The following TMPRSS11D variants were observed in gnomAD, a reference collection of about 807,000 sequenced individuals.
TMPRSS11D encodes transmembrane serine protease 11D, also known as transmembrane protease serine 11D.
Under a neutral mutation model 44.4 loss-of-function variants are expected in TMPRSS11D, and 32 were observed. That is an observed-to-expected ratio of 0.72 (90% CI 0.54 to 0.97). TMPRSS11D has a LOEUF of 0.97. Ranked by LOEUF, TMPRSS11D falls within the 50% of genes least tolerant of loss-of-function variation. TMPRSS11D has a pLI of 0.00. For missense variants in TMPRSS11D, 446 were observed against 502.6 expected (o/e 0.89, Z 1.08); for synonymous variants, 179 against 177.9 (o/e 1.01, Z -0.05).
intron 3 of TMPRSS11D, among the ~76,000 whole-genome samples, chr4:67,852,547 A>AT (rs1184746669): frequency 6.6e-6 from 1 of 152,186 alleles, no homozygotes; most frequent in Non-Finnish European, 1.5e-5. Flanking sequence ...TCATAAGCTT[A>AT]TTTAATACAT....
At chr4:67,860,847 A>G (rs1718776525) in intron 1 of TMPRSS11D, among the ~76,000 whole-genome samples, 7 of 152,078 alleles carry the variant, frequency 4.6e-5, no homozygotes, top group Admixed American at 3.3e-4. Context: ...GATACATTTC[A>G]CTGCAATGTT....
intron 4 of TMPRSS11D, among the ~76,000 whole-genome samples, chr4:67,840,439 C>G (rs1440624951): frequency 6.6e-6 from 1 of 151,900 alleles, no homozygotes; most frequent in African/African-American, 2.4e-5. Flanking sequence ...CCAAACCATA[C>G]CAAGGTGGAA....
At chr4:67,824,599 C>T (rs926391216) in intron 9 of TMPRSS11D, among the ~76,000 whole-genome samples, 1 of 152,050 alleles carries the variant, frequency 6.6e-6, no homozygotes, top group East Asian at 1.9e-4. Context: ...AAACAAATCT[C>T]CACCTACACA....
chr4:67,829,449 A>G (rs912150678), intron 7 of TMPRSS11D, among the ~76,000 whole-genome samples: 1 of 144,576 alleles, frequency 6.9e-6, no homozygotes, highest in African/African-American at 2.5e-5. Flanking sequence ...AGTAGCGTTA[A>G]AAAAAAAAAA....
At chr4:67,870,407 G>A (rs766128518) in intron 1 of TMPRSS11D, among the ~76,000 whole-genome samples, 7 of 152,072 alleles carry the variant, frequency 4.6e-5, no homozygotes, top group African/African-American at 7.2e-5. Context: ...TTGCTCTTCC[G>A]TCTGCCTGGA....
intron 9 of TMPRSS11D, among the ~76,000 whole-genome samples, chr4:67,824,595 A>G (rs1717745581): frequency 6.6e-6 from 1 of 152,122 alleles, no homozygotes; most frequent in South Asian, 2.1e-4. Context: ...TGAAAAACAA[A>G]TCTCCACCTA....
chr4:67,838,404 G>T, intron 4 of TMPRSS11D, 75 bp from the exon 5 acceptor site: 1 of 1,327,584 alleles, frequency 7.5e-7, no homozygotes. Flanking sequence ...TATTCTTCTT[G>T]ATTAAACCCT....
rs77566110 is a variant in TMPRSS11D at position 67,847,226 on chromosome 4, A to C, written c.250-4601T>G. ...GCCTTAAAAAGTGATTTTCTGATAC[A>C]TACACCTTGAAGGAAAATGTTGTGT... On this transcript the variant is annotated intron_variant, in intron 3 of 9. Coordinates refer to ENST00000283916, the MANE Select transcript of TMPRSS11D (RefSeq NM_004262.3). 6.3e-3 allele frequency among the ~76,000 whole-genome samples: 956 copies of C among 152,252 alleles called. 3 individuals carry two copies. Among genetic ancestry groups the C allele is most frequent in the Admixed American group, 9.9e-3 (151 of 15,282 alleles).
Position 67,854,017 on chromosome 4 carries a change from A to G in TMPRSS11D, c.249+51T>C, listed in dbSNP as rs3213909. 4,487 of 1,096,508 alleles carry G rather than the reference A, an allele frequency of 4.1e-3. 219 individuals carry two copies. In the East Asian group the frequency reaches 0.096, roughly 23 times the overall value. 67.9% of individuals were successfully genotyped at this position (1,096,508 alleles called of 1,614,324 possible). A position where few individuals can be genotyped will look rare whatever the true frequency, so the allele number is the denominator to read the frequency against. On this transcript the variant is annotated intron_variant, in intron 3 of 9. Transcript: ENST00000283916. ...TATATTACAAAACATTAGGTTTATT[A>G]TCATATTCATTTTATAATGGAATAA...
In TMPRSS11D at chr4:67,883,991, A is replaced by G; in HGVS notation, c.-58T>C. ...CCTACTCAACTGCTTTGAGATTCCC[A>G]CTCAAATGAATGACTCTCATGTATT... On this transcript the variant is annotated 5_prime_UTR_variant, in exon 1 of 10. Transcript: ENST00000283916. 1.3e-6 allele frequency: 2 copies of G among 1,506,542 alleles called. No homozygotes were observed. Among genetic ancestry groups the G allele is most frequent in the South Asian group, 2.4e-5 (2 of 84,506 alleles). The allele number at this position is 1,506,542 out of a possible 1,614,324, so 93.3% of individuals were successfully genotyped here.
At chr4:67,877,603 A>G (rs1452852308) in intron 1 of TMPRSS11D, among the ~76,000 whole-genome samples, 2 of 152,134 alleles carry the variant, frequency 1.3e-5, no homozygotes, top group African/African-American at 2.4e-5. Context: ...GATTCTCACA[A>G]CCTTCCTTTG....
chr4:67,874,981 T>C (rs758540370), intron 1 of TMPRSS11D, among the ~76,000 whole-genome samples: 33 of 152,218 alleles, frequency 2.2e-4, no homozygotes, highest in Admixed American at 7.9e-4. Context: ...TGTGCTTGAG[T>C]AATATTTAGT....
Position 67,821,394 on chromosome 4 carries a change from A to G in TMPRSS11D, c.*943T>C, listed in dbSNP as rs971073371. 2.0e-5 allele frequency: 3 copies of G among 152,130 alleles called. No homozygotes were observed. Among genetic ancestry groups the G allele is most frequent in the East Asian group, 1.9e-4 (1 of 5,192 alleles). The allele number at this position is 152,130 out of a possible 1,614,324, so 9.4% of individuals were successfully genotyped here. ...ACTCTTCCCCCTCTTTAAACTTTCA[A>G]TTCGTTACTTAGATTTAGCGTTTGA... On this transcript the variant is annotated 3_prime_UTR_variant, in exon 10 of 10. Transcript: ENST00000283916.
At chr4:67,844,444 A>G (rs1419829010) in intron 3 of TMPRSS11D, among the ~76,000 whole-genome samples, 2 of 152,150 alleles carry the variant, frequency 1.3e-5, no homozygotes, top group African/African-American at 4.8e-5. Context: ...TTTCTTTTTT[A>G]AAAATTCAAG....
intron 1 of TMPRSS11D, among the ~76,000 whole-genome samples, chr4:67,873,511 C>T (rs1406189778): frequency 6.6e-6 from 1 of 152,108 alleles, no homozygotes; most frequent in African/African-American, 2.4e-5. Context: ...AGGAATATAT[C>T]ATTAAATGCA....
chr4:67,863,678 A>G (rs1378755584), intron 1 of TMPRSS11D, among the ~76,000 whole-genome samples: 2 of 152,146 alleles, frequency 1.3e-5, no homozygotes, highest in African/African-American at 4.8e-5. Context: ...TTTCTGTCAA[A>G]TATCAGCTAT....
At chr4:67,876,635 T>A (rs868357228) in intron 1 of TMPRSS11D, among the ~76,000 whole-genome samples, 1 of 152,168 alleles carries the variant, frequency 6.6e-6, no homozygotes, top group Non-Finnish European at 1.5e-5. Flanking sequence ...TGCAGTGAGA[T>A]TAAGTGGTAC....
chr4:67,867,620 A>G (rs748528790), intron 1 of TMPRSS11D, among the ~76,000 whole-genome samples: 3 of 152,148 alleles, frequency 2.0e-5, no homozygotes, highest in Non-Finnish European at 4.4e-5. Context: ...AGGAACTCAA[A>G]TAACAACAGC....
chr4:67,841,387 G>A (rs1718226439), intron 4 of TMPRSS11D, among the ~76,000 whole-genome samples: 1 of 152,168 alleles, frequency 6.6e-6, no homozygotes, highest in Non-Finnish European at 1.5e-5. Context: ...GGGTATACAA[G>A]GCCATGCAAA....
Sources: allele counts gnomAD v4.1 joint callset (sites outside exome capture counted in the v4.1 genomes callset), GRCh38; gene constraint gnomAD v4.1.1; transcripts MANE v1.5; gene names NCBI Gene and HGNC (gene_info 2026-07-23, HGNC 2026-07-21).